The following UNC5B variants were observed in gnomAD, a reference collection of about 807,000 sequenced individuals.
UNC5B encodes unc-5 netrin receptor B.
A neutral mutation model predicts 103.7 loss-of-function variants in UNC5B; 56 were observed. The ratio of observed to expected loss-of-function variants is 0.54; its 90% CI spans 0.44 to 0.67. UNC5B has a LOEUF of 0.67. Ranked by LOEUF, UNC5B falls within the 30% of genes least tolerant of loss-of-function variation. The probability of loss-of-function intolerance (pLI) is 0.00; values close to 1 mark genes in which losing one functional copy is unlikely to be tolerated. For missense variants in UNC5B, 1,194 were observed against 1,284.5 expected (o/e 0.93, Z 1.08); for synonymous variants, 577 against 542.0 (o/e 1.06, Z -0.90).
chr10:71,272,630 G>C (rs1844673541), intron 1 of UNC5B, among the ~76,000 whole-genome samples: 1 of 152,170 alleles, frequency 6.6e-6, no homozygotes, highest in African/African-American at 2.4e-5. Context: ...TCAGCAACTG[G>C]GCTCTGGTCC....
At chr10:71,244,817 G>C (rs80017311) in intron 1 of UNC5B, among the ~76,000 whole-genome samples, 12,960 of 152,282 alleles carry the variant, frequency 0.085, 573 homozygotes, top group East Asian at 0.12. Flanking sequence ...ACTGGTTGGC[G>C]GCGGGGGCGT....
chr10:71,242,988 T>G (rs1843940470), intron 1 of UNC5B, among the ~76,000 whole-genome samples: 1 of 151,946 alleles, frequency 6.6e-6, no homozygotes, highest in Non-Finnish European at 1.5e-5. Flanking sequence ...ATCCCAGCAC[T>G]TTGGGAGGCT....
intron 7 of UNC5B, 31 bp from the exon 8 acceptor site, chr10:71,288,927 T>A (rs1395391172): frequency 1.2e-6 from 2 of 1,611,032 alleles, no homozygotes; most frequent in South Asian, 2.2e-5. Context: ...GTCACCTATG[T>A]CATTGTCTTT....
intron 1 of UNC5B, among the ~76,000 whole-genome samples, chr10:71,224,364 G>GACGCACGCACACAC (rs1197780490): frequency 1.0e-5 from 1 of 97,278 alleles, no homozygotes; most frequent in Non-Finnish European, 2.2e-5. Context: ...TCTGTATGTA[G>GACGCACGCACACAC]ACACACACAC....
intron 1 of UNC5B, among the ~76,000 whole-genome samples, chr10:71,271,341 A>T (rs1450792858): frequency 6.6e-6 from 1 of 152,240 alleles, no homozygotes; most frequent in African/African-American, 2.4e-5. Context: ...TTTCAGTGCC[A>T]GGTGGTGGGA....
rs1564516471 is a variant in UNC5B, at chr10:71,296,989, G to GCAT, written c.2490+247_2490+248insCAT. ...ATTCCGGCTGCACACCACTCTGGTG[G>GCAT]AGGTGAGGGAAGGGCGGCCAGATAT... On this transcript the variant is annotated intron_variant, in intron 15 of 16. Coordinates refer to ENST00000335350, the MANE Select transcript of UNC5B (RefSeq NM_170744.5). Among the ~76,000 whole-genome samples the GCAT allele has an allele frequency of 7.8e-4, 107 of 137,752 alleles. 1 individual carries two copies. Among genetic ancestry groups the GCAT allele is most frequent in the Admixed American group, 8.6e-4 (12 of 13,924 alleles). The allele number at this position is 137,752 out of a possible 152,430, so 90.4% of individuals were successfully genotyped here.
At chr10:71,257,048 C>T (rs1490157066) in intron 1 of UNC5B, among the ~76,000 whole-genome samples, 1 of 152,142 alleles carries the variant, frequency 6.6e-6, no homozygotes, top group Non-Finnish European at 1.5e-5. Flanking sequence ...AACAGCGGGG[C>T]CCAGAGGAAG....
At chr10:71,242,239 T>G (rs1843919794) in intron 1 of UNC5B, among the ~76,000 whole-genome samples, 1 of 152,172 alleles carries the variant, frequency 6.6e-6, no homozygotes, top group Admixed American at 6.5e-5. Flanking sequence ...CTATGACATG[T>G]GACCTCGCCC....
chr10:71,220,819 G>A (rs1843438869), intron 1 of UNC5B, among the ~76,000 whole-genome samples: 1 of 152,286 alleles, frequency 6.6e-6, no homozygotes, highest in East Asian at 1.9e-4. Flanking sequence ...TGGGAGGTCA[G>A]GACCAGGAGT....
At chr10:71,250,394 C>T (rs554154763) in intron 1 of UNC5B, among the ~76,000 whole-genome samples, 2 of 152,350 alleles carry the variant, frequency 1.3e-5, no homozygotes, top group South Asian at 4.1e-4. Flanking sequence ...TCTGGCCTGG[C>T]TTGGGTGTGT....
intron 1 of UNC5B, among the ~76,000 whole-genome samples, chr10:71,276,470 G>A (rs1018951451): frequency 8.5e-5 from 13 of 152,220 alleles, no homozygotes; most frequent in African/African-American, 3.1e-4. Context: ...GTCTCACTTT[G>A]TCGCCCAGGC....
At chr10:71,246,003 G>A (rs146093802) in intron 1 of UNC5B, among the ~76,000 whole-genome samples, 10 of 152,310 alleles carry the variant, frequency 6.6e-5, no homozygotes, top group African/African-American at 9.6e-5. Context: ...GAGGGTGTGC[G>A]GAAGGCCTGG....
At chr10:71,291,219 G>C in intron 9 of UNC5B, 110 bp downstream of exon 9, 1 of 1,419,618 alleles carries the variant, frequency 7.0e-7, no homozygotes, top group East Asian at 2.3e-5. Context: ...GGTTTTTCCA[G>C]AGTTTGCTCT....
In UNC5B at chr10:71,285,447, G is replaced by A. The variant is rs1342128206; in HGVS notation, c.552+18G>A. ...TGGCCGAGGTGAGCGGGGACGTAGGGACCACTGAGCACGGCCCTGTGGCCA... is the reference window on the plus strand; with the variant it reads ...TGGCCGAGGTGAGCGGGGACGTAGGAACCACTGAGCACGGCCCTGTGGCCA... On this transcript the variant is annotated intron_variant, in intron 4 of 16. Coordinates refer to ENST00000335350, the MANE Select transcript of UNC5B (RefSeq NM_170744.5). 1.3e-6 allele frequency: 2 copies of A among 1,567,520 alleles called. No homozygotes were observed. Among genetic ancestry groups the A allele is most frequent in the South Asian group, 1.2e-5 (1 of 85,818 alleles).
chr10:71,224,244 C>T lies in UNC5B; in HGVS notation c.79+11180C>T, dbSNP rs147044540. On this transcript the variant is annotated intron_variant, in intron 1 of 16. Transcript: ENST00000335350. ...CTGTATGTAGACACAGACACAGACA[C>T]ACACACACAGACACACACACACACA... is the stretch of plus-strand genomic sequence containing the variant. 5.2e-3 allele frequency among the ~76,000 whole-genome samples: 756 copies of T among 145,804 alleles called. 15 individuals carry two copies. The highest frequency in any genetic ancestry group is 0.018 in the African/African-American group (699 of 39,600).
At chr10:71,282,791 T>C (rs1022734478) in intron 2 of UNC5B, among the ~76,000 whole-genome samples, 1 of 152,128 alleles carries the variant, frequency 6.6e-6, no homozygotes, top group Admixed American at 6.5e-5. Flanking sequence ...ATAGGAGAGT[T>C]ACAGCAATGA....
intron 1 of UNC5B, among the ~76,000 whole-genome samples, chr10:71,218,882 G>C (rs1038828876): frequency 6.6e-6 from 1 of 152,206 alleles, no homozygotes; most frequent in Non-Finnish European, 1.5e-5. Context: ...CCCCATCTCA[G>C]GCTGACGTGG....
chr10:71,268,979 G>A (rs1844583326), intron 1 of UNC5B, among the ~76,000 whole-genome samples: 1 of 152,316 alleles, frequency 6.6e-6, no homozygotes, highest in South Asian at 2.1e-4. Flanking sequence ...GCAGGAGCAG[G>A]CAGCCCAGCT....
chr10:71,233,815 G>A (rs1843726198), intron 1 of UNC5B, among the ~76,000 whole-genome samples: 2 of 152,200 alleles, frequency 1.3e-5, no homozygotes, highest in South Asian at 4.1e-4. Flanking sequence ...ACCCTTGCTG[G>A]CATTTCCTCC....
Sources: allele counts gnomAD v4.1 joint callset (sites outside exome capture counted in the v4.1 genomes callset), GRCh38; gene constraint gnomAD v4.1.1; transcripts MANE v1.5; gene names NCBI Gene and HGNC (gene_info 2026-07-23, HGNC 2026-07-21).